AXDND1: variants seen among roughly 807,000 people sequenced by gnomAD.
AXDND1 encodes axonemal dynein light chain domain containing 1, also known as axonemal dynein light chain domain-containing protein 1.
Under a neutral mutation model 137.5 loss-of-function variants are expected in AXDND1, and 110 were observed. The ratio of observed to expected loss-of-function variants is 0.80; its 90% confidence interval spans 0.69 to 0.94. The LOEUF (loss-of-function observed/expected upper bound fraction) is 0.94, where lower values mean the gene tolerates loss of function less well. Ranked by LOEUF, AXDND1 falls within the 40% of genes least tolerant of loss-of-function variation. The pLI is 0.00. For missense variants in AXDND1, 1,191 were observed against 1,169.8 expected (o/e 1.02, Z -0.26); for synonymous variants, 414 against 399.7 (o/e 1.04, Z -0.43).
At chr1:179,414,772 A>T (rs376220794) in intron 12 of AXDND1, among the ~76,000 whole-genome samples, 2 of 152,164 alleles carry the variant, frequency 1.3e-5, no homozygotes, top group African/African-American at 4.8e-5. Flanking sequence ...TCTCAGTAAC[A>T]ATTTTATTTT....
At chr1:179,397,837 A>G (rs1651313668) in intron 11 of AXDND1, among the ~76,000 whole-genome samples, 1 of 152,190 alleles carries the variant, frequency 6.6e-6, no homozygotes, top group South Asian at 2.1e-4. Context: ...CAGCTCTATC[A>G]GCCCAGTTAC....
chr1:179,386,024 C>T (rs4652369), intron 9 of AXDND1, among the ~76,000 whole-genome samples: 49,885 of 149,216 alleles, frequency 0.33, 8,870 homozygotes, highest in Middle Eastern at 0.44. Context: ...GTGTGTTTTT[C>T]CTGGAGCTGA....
intron 3 of AXDND1, among the ~76,000 whole-genome samples, chr1:179,369,288 T>C (rs189886074): frequency 1.0e-3 from 153 of 152,240 alleles, no homozygotes; most frequent in African/African-American, 3.6e-3. Context: ...ATGTTGCCTA[T>C]GCTGGTCTCA....
intron 11 of AXDND1, among the ~76,000 whole-genome samples, chr1:179,410,291 C>T (rs762079470): frequency 2.6e-5 from 4 of 152,100 alleles, no homozygotes; most frequent in Non-Finnish European, 5.9e-5. Flanking sequence ...AGTGCAGTGG[C>T]GCGATCTCGG....
chr1:179,402,109 T>G (rs1571662466), intron 11 of AXDND1, among the ~76,000 whole-genome samples: 1 of 150,696 alleles, frequency 6.6e-6, no homozygotes, highest in Non-Finnish European at 1.5e-5. Flanking sequence ...GAGGCGGAGG[T>G]TGCAGTGAGC....
chr1:179,495,557 A>G (rs1338912649), intron 20 of AXDND1, among the ~76,000 whole-genome samples: 2 of 152,010 alleles, frequency 1.3e-5, no homozygotes, highest in Non-Finnish European at 2.9e-5. Flanking sequence ...TGCTGAATTC[A>G]CTTATTCCTT....
chr1:179,450,969 T>A (rs1202368595), intron 16 of AXDND1: 1 of 152,244 alleles, frequency 6.6e-6, no homozygotes. Context: ...TCTTTTTATA[T>A]GTTTCTAGCT....
At position 179,411,053 on chromosome 1, in the gene AXDND1, A is replaced by G. The variant is rs991140851; in HGVS notation, c.1110-93A>G. On this transcript the variant is annotated intron_variant, in intron 11 of 25. Transcript: ENST00000367618. ...ATGATGAGTTTTAAAGGAACACATT[A>G]CCTATTTTAAAACAAATTTCTTTTT... 4 of 977,174 alleles carry G rather than the reference A, an allele frequency of 4.1e-6. No homozygotes were observed. The African/African-American group carries it at 6.8e-5, about 17-fold the overall frequency. The allele number at this position is 977,174 out of a possible 1,614,324, so 60.5% of individuals were successfully genotyped here. A position where few individuals can be genotyped will look rare whatever the true frequency, so the allele number is the denominator to read the frequency against.
At chr1:179,435,197 T>C (rs1657970021) in intron 15 of AXDND1, among the ~76,000 whole-genome samples, 1 of 151,890 alleles carries the variant, frequency 6.6e-6, no homozygotes, top group African/African-American at 2.4e-5. Context: ...AAGAGAGAAC[T>C]GAAACAAATG....
At chr1:179,544,772 T>C (rs1572230889) in intron 25 of AXDND1, 1 of 152,164 alleles carries the variant, frequency 6.6e-6, no homozygotes, top group Non-Finnish European at 1.5e-5. Context: ...TTATGATTTC[T>C]GACATTTTTA....
At chr1:179,449,259 C>G (rs1409585998) in intron 16 of AXDND1, 1 of 349,846 alleles carries the variant, frequency 2.9e-6, no homozygotes, top group Non-Finnish European at 5.7e-6. Flanking sequence ...TTCAGTTGTC[C>G]TAGCACCATT....
chr1:179,435,342 CT>C (rs758529975), intron 15 of AXDND1, among the ~76,000 whole-genome samples: 3 of 152,118 alleles, frequency 2.0e-5, no homozygotes, highest in Non-Finnish European at 4.4e-5. Context: ...GAAAAGACTA[CT>C]TTAAATTTCA....
intron 21 of AXDND1, among the ~76,000 whole-genome samples, chr1:179,519,565 T>C (rs1170454274): frequency 4.6e-5 from 7 of 152,226 alleles, no homozygotes; most frequent in Non-Finnish European, 5.9e-5. Context: ...AATTTTTGTA[T>C]ATGGCATAAG....
At chr1:179,533,246 CT>C (rs2125704910) in intron 23 of AXDND1, 1 of 152,220 alleles carries the variant, frequency 6.6e-6, no homozygotes, top group South Asian at 2.1e-4. Flanking sequence ...TCTCACCTTC[CT>C]CTTATATAGA....
chr1:179,445,262 A>G, intron 16 of AXDND1, 58 bp downstream of exon 16: 2 of 1,148,832 alleles, frequency 1.7e-6, no homozygotes, highest in Non-Finnish European at 2.4e-6. Context: ...CACAATAATT[A>G]TTTTCAATAC....
At chr1:179,402,506 C>T (rs1652250440) in intron 11 of AXDND1, among the ~76,000 whole-genome samples, 1 of 152,142 alleles carries the variant, frequency 6.6e-6, no homozygotes, top group East Asian at 1.9e-4. Flanking sequence ...ATAGTCTGCT[C>T]CTTTCTAAGG....
intron 20 of AXDND1, among the ~76,000 whole-genome samples, chr1:179,498,295 A>G (rs1449831766): frequency 6.6e-6 from 1 of 151,822 alleles, no homozygotes; most frequent in African/African-American, 2.4e-5. Context: ...TACTGGTACA[A>G]AAACAGACAT....
chr1:179,503,019 C>T (rs892709654), intron 20 of AXDND1, among the ~76,000 whole-genome samples: 11 of 151,062 alleles, frequency 7.3e-5, no homozygotes, highest in Non-Finnish European at 1.2e-4. Flanking sequence ...CACTTGAACC[C>T]GGGAGGCGGA....
chr1:179,500,759 C>T (rs1452342789), intron 20 of AXDND1, among the ~76,000 whole-genome samples: 1 of 152,200 alleles, frequency 6.6e-6, no homozygotes, highest in Non-Finnish European at 1.5e-5. Flanking sequence ...TTGAACTCTG[C>T]CTCTCGGGTT....
Sources: gnomAD v4.1 joint callset for allele counts (sites outside exome capture counted in the v4.1 genomes callset) on GRCh38, gnomAD v4.1.1 for gene constraint, MANE v1.5 for transcripts, NCBI Gene and HGNC (gene_info 2026-07-23, HGNC 2026-07-21) for gene names.